The following SETBP1 variants were observed in gnomAD, a reference collection of about 807,000 sequenced individuals.
The protein encoded by SETBP1 is SET-binding protein.
A neutral mutation model predicts 101.0 loss-of-function variants in SETBP1; 9 were observed. The observed-to-expected ratio is 0.09, with a 90% CI of 0.05 to 0.16. The LOEUF is 0.16. SETBP1 is among the 10% of genes least tolerant of loss of function. The pLI, the probability that SETBP1 is intolerant of heterozygous loss-of-function variation, is 1.00. For missense variants in SETBP1, 1,858 were observed against 2,033.8 expected (o/e 0.91, Z 1.66); for synonymous variants, 818 against 788.5 (o/e 1.04, Z -0.63).
intron 3 of SETBP1, among the ~76,000 whole-genome samples, chr18:44,914,200 A>G (rs1010179148): frequency 6.6e-6 from 1 of 152,198 alleles, no homozygotes; most frequent in Non-Finnish European, 1.5e-5. Context: ...AACCCAAAGT[A>G]AACTGCAGTG....
At chr18:44,876,957 T>A (rs1248498466) in intron 3 of SETBP1, 2 of 1,273,548 alleles carry the variant, frequency 1.6e-6, no homozygotes, top group East Asian at 3.0e-5. Context: ...GAAGAGATAA[T>A]GCATTAGGCG....
intron 4 of SETBP1, among the ~76,000 whole-genome samples, chr18:44,972,649 G>A (rs1228966461): frequency 6.6e-6 from 1 of 152,138 alleles, no homozygotes; most frequent in Admixed American, 6.5e-5. Flanking sequence ...TTGTGAATGG[G>A]AGTTCACTCA....
intron 2 of SETBP1, among the ~76,000 whole-genome samples, chr18:44,824,748 G>A (rs2072197517): frequency 6.6e-6 from 1 of 152,158 alleles, no homozygotes; most frequent in African/African-American, 2.4e-5. Flanking sequence ...AAAAAAGAAG[G>A]GGATGGGAAG....
chr18:44,852,404 C>T (rs957127095), intron 2 of SETBP1, among the ~76,000 whole-genome samples: 1 of 152,152 alleles, frequency 6.6e-6, no homozygotes, highest in Non-Finnish European at 1.5e-5. Flanking sequence ...CAGCTTGGTC[C>T]GTCCGTATTC....
chr18:44,789,095 A>C (rs2071313481), intron 2 of SETBP1, among the ~76,000 whole-genome samples: 1 of 151,818 alleles, frequency 6.6e-6, no homozygotes, highest in Non-Finnish European at 1.5e-5. Flanking sequence ...GAGCCACCGC[A>C]CCCGGCTTCC....
intron 2 of SETBP1, among the ~76,000 whole-genome samples, chr18:44,772,761 A>G (rs993017160): frequency 6.6e-6 from 1 of 152,142 alleles, no homozygotes; most frequent in African/African-American, 2.4e-5. Flanking sequence ...CATCTGTTTA[A>G]TGGGATTCGT....
At chr18:44,953,927 G>A (rs912115827) in intron 4 of SETBP1, among the ~76,000 whole-genome samples, 6 of 152,154 alleles carry the variant, frequency 3.9e-5, no homozygotes, top group South Asian at 2.1e-4. Context: ...GCTGTCCTGG[G>A]CAGGTCCCTA....
Position 44,755,362 on chromosome 18 carries a change from G to A in SETBP1, c.486+53530G>A, listed in dbSNP as rs7239035. The stretch of plus-strand genomic sequence containing the variant: ...GAGACATGAGTCCGTGGACTGAGAG[G>A]AAGACTCACTGTAAATGTGAGGCAT... On this transcript the variant is annotated intron_variant, in intron 2 of 5. Coordinates refer to ENST00000649279, the MANE Select transcript of SETBP1 (RefSeq NM_015559.3). 3.8e-3 allele frequency among the ~76,000 whole-genome samples: 586 copies of A among 152,300 alleles called. 2 individuals carry two copies. Among genetic ancestry groups the A allele is most frequent in the African/African-American group, 0.014 (569 of 41,562 alleles).
At chr18:44,759,980 T>C (rs986486144) in intron 2 of SETBP1, among the ~76,000 whole-genome samples, 5 of 152,188 alleles carry the variant, frequency 3.3e-5, no homozygotes, top group Admixed American at 6.5e-5. Context: ...TGTGGCCAGG[T>C]TGGGAACTTC....
chr18:45,059,582 T>C (rs1191215508), intron 5 of SETBP1, among the ~76,000 whole-genome samples: 1 of 152,206 alleles, frequency 6.6e-6, no homozygotes. Flanking sequence ...TGAATCCCTG[T>C]GTGTCTTCTG....
intron 2 of SETBP1, among the ~76,000 whole-genome samples, chr18:44,736,400 G>T (rs764569294): frequency 7.6e-4 from 116 of 152,260 alleles, no homozygotes; most frequent in Non-Finnish European, 1.4e-3. Flanking sequence ...GCTCTGTAGG[G>T]TATGCAAAAG....
chr18:44,855,934 A>C (rs2072967583), intron 2 of SETBP1, among the ~76,000 whole-genome samples: 1 of 152,174 alleles, frequency 6.6e-6, no homozygotes, highest in Non-Finnish European at 1.5e-5. Context: ...TGGAATAAAC[A>C]GGCTGTAGCG....
chr18:44,947,083 A>T (rs1363282936), intron 3 of SETBP1, among the ~76,000 whole-genome samples: 1 of 152,208 alleles, frequency 6.6e-6, no homozygotes, highest in Non-Finnish European at 1.5e-5. Flanking sequence ...GTGATGGTGT[A>T]TACAAGCAAG....
chr18:45,000,692 G>A (rs554866717), intron 4 of SETBP1, among the ~76,000 whole-genome samples: 1 of 151,982 alleles, frequency 6.6e-6, no homozygotes, highest in South Asian at 2.1e-4. Context: ...GGAAGAGAAA[G>A]CAGAGAAGTT....
chr18:45,056,537 T>C (rs552900084), intron 5 of SETBP1, among the ~76,000 whole-genome samples: 1 of 152,396 alleles, frequency 6.6e-6, no homozygotes, highest in Non-Finnish European at 1.5e-5. Flanking sequence ...GTGTTCTTTC[T>C]GCAGCTCAGT....
chr18:44,838,169 G>T (rs1317519792), intron 2 of SETBP1, among the ~76,000 whole-genome samples: 3 of 152,118 alleles, frequency 2.0e-5, no homozygotes, highest in Non-Finnish European at 2.9e-5. Context: ...AAAACATTTT[G>T]TGAGCCACAT....
intron 2 of SETBP1, among the ~76,000 whole-genome samples, chr18:44,783,851 C>G (rs113854563): frequency 6.6e-6 from 1 of 152,300 alleles, no homozygotes; most frequent in Non-Finnish European, 1.5e-5. Context: ...ATTCTTATCT[C>G]CATGGTGCTA....
intron 4 of SETBP1, among the ~76,000 whole-genome samples, chr18:44,963,560 C>T (rs1599383242): frequency 6.6e-6 from 1 of 151,896 alleles, no homozygotes; most frequent in Admixed American, 6.6e-5. Context: ...CTTTACCCAC[C>T]TACTGGTAAA....
chr18:44,925,781 G>T (rs1375634191), intron 3 of SETBP1, among the ~76,000 whole-genome samples: 1 of 151,732 alleles, frequency 6.6e-6, no homozygotes, highest in African/African-American at 2.4e-5. Flanking sequence ...AGTTTTTTTT[G>T]GTTTCCAAAA....
Sources: gnomAD v4.1 joint callset for allele counts (sites outside exome capture counted in the v4.1 genomes callset) on GRCh38, gnomAD v4.1.1 for gene constraint, MANE v1.5 for transcripts, NCBI Gene and HGNC (gene_info 2026-07-23, HGNC 2026-07-21) for gene names.